The following PCDHGB4 variants were observed in gnomAD, a reference collection of about 807,000 sequenced individuals.
The protein encoded by PCDHGB4 is protocadherin gamma-B4.
In PCDHGB4, 38 loss-of-function variants were observed where a neutral mutation model predicts 60.5. The observed-to-expected ratio is 0.63, with a 90% CI of 0.48 to 0.82. PCDHGB4 has a LOEUF of 0.82. Among genes scored for constraint, PCDHGB4 ranks in the 40% least tolerant of loss-of-function variants. PCDHGB4 has a pLI of 0.00. For missense variants in PCDHGB4, 1,109 were observed against 1,209.6 expected (o/e 0.92, Z 1.23); for synonymous variants, 456 against 509.7 (o/e 0.89, Z 1.42).
In PCDHGB4 at chr5:141,388,326, C is replaced by T; in HGVS notation, c.442C>T (p.Pro148Ser). The change falls in exon 1 of 4, where the codon CCT becomes TCT. Residue 148 changes from proline (P) to serine (S), a missense_variant. By Grantham distance (74) the Pro-to-Ser change is moderately conservative (BLOSUM62 -1). Transcript: ENST00000519479. ...GCTGCAAATAAGTGAGTCTGCACAG[C>T]CTGGCACACGATTTATATTAGGATC... is the stretch of plus-strand genomic sequence containing the variant. ...FELQISESAQ[P>S]GTRFILGSAH... 6.2e-7 allele frequency: 1 copy of T among 1,613,878 alleles called. No homozygotes were observed. Among genetic ancestry groups the T allele is most frequent in the Non-Finnish European group, 8.5e-7 (1 of 1,179,858 alleles).
At chr5:141,509,354 A>G (rs1229726913) in intron 3 of PCDHGB4, among the ~76,000 whole-genome samples, 2 of 152,144 alleles carry the variant, frequency 1.3e-5, no homozygotes, top group Non-Finnish European at 2.9e-5. Context: ...TGGCCTGGGC[A>G]TCCCTGAGGT....
chr5:141,470,871 T>C (rs1036871133), intron 1 of PCDHGB4, among the ~76,000 whole-genome samples: 1 of 151,822 alleles, frequency 6.6e-6, no homozygotes, highest in Admixed American at 6.6e-5. Flanking sequence ...TGTTTGTTTG[T>C]TTTTTTGTTT....
Position 141,424,000 on chromosome 5 carries a change from A to G in PCDHGB4, c.2397+33719A>G, listed in dbSNP as rs2096794510. On this transcript the variant is annotated intron_variant, in intron 1 of 3. Coordinates refer to ENST00000519479, the MANE Select transcript of PCDHGB4 (RefSeq NM_003736.4). ...ATGAGGCTCTCAATTTATTATATAT[A>G]GATACAAATTAATGATTCACAAACA... 5 of 1,076,368 alleles carry G rather than the reference A, an allele frequency of 4.6e-6. No homozygotes were observed. In the South Asian group the frequency reaches 1.4e-4, roughly 30 times the overall value. 66.7% of individuals were successfully genotyped at this position (1,076,368 alleles called of 1,614,324 possible).
At chr5:141,441,864 G>A in intron 1 of PCDHGB4, 3 of 344,518 alleles carry the variant, frequency 8.7e-6, no homozygotes, top group Admixed American at 4.1e-5. Context: ...TGCACGCCGC[G>A]GAGCCTGGCT....
chr5:141,393,465 G>T, intron 1 of PCDHGB4: 1 of 1,614,048 alleles, frequency 6.2e-7, no homozygotes, highest in Non-Finnish European at 8.5e-7. Context: ...CTCGGATGGC[G>T]GCAAGCCGCC....
chr5:141,485,641 G>T lies in PCDHGB4; in HGVS notation c.2398-9166G>T. The T allele has an allele frequency of 6.2e-7, 1 of 1,612,012 alleles. No individual in the cohort carries two copies. Among genetic ancestry groups the T allele is most frequent in the Non-Finnish European group, 8.5e-7 (1 of 1,178,470 alleles). On this transcript the variant is annotated intron_variant, in intron 1 of 3. Transcript: ENST00000519479. The surrounding 1 kb of genome is among the most constrained non-coding windows in gnomAD (Gnocchi z 5.7). Reference sequence around the variant, plus strand: ...CAGGACAGCGTTTCCCGTTGGAAAAGGCTCAGGATGCAGATGTGGGGAGCA... The same window carrying T: ...CAGGACAGCGTTTCCCGTTGGAAAATGCTCAGGATGCAGATGTGGGGAGCA...
In PCDHGB4 at chr5:141,389,118, C is replaced by A. The variant is rs2091610213; in HGVS notation, c.1234C>A (p.Gln412Lys). Residue 412 changes from glutamine (Q) to lysine (K), a missense_variant, in exon 1 of 4, where the codon CAG becomes AAG. Gln to Lys is a moderately conservative substitution (Grantham distance 53). Around this residue, in one of 2 missense-constraint regions of PCDHGB4, gnomAD observed 1,068 missense variants for 1,089.9 expected, o/e 0.98. Coordinates refer to ENST00000519479, the MANE Select transcript of PCDHGB4 (RefSeq NM_003736.4). ...GACAGATGCTGTTCTAGACCGCGAGCAGAATCCAGAGTACAATATAACCGT... is the reference window on the plus strand; with the variant it reads ...GACAGATGCTGTTCTAGACCGCGAGAAGAATCCAGAGTACAATATAACCGT... ...LVTDAVLDRE[Q>K]NPEYNITVTA... 1 of 1,613,888 alleles carries A rather than the reference C, an allele frequency of 6.2e-7. No homozygotes were observed. The highest frequency in any genetic ancestry group is 1.7e-5 in the Admixed American group (1 of 60,014).
At chr5:141,418,418 G>C (rs1366605966) in intron 1 of PCDHGB4, 1 of 1,613,998 alleles carries the variant, frequency 6.2e-7, no homozygotes, top group East Asian at 2.2e-5. Flanking sequence ...AGACAATCCT[G>C]ATGGTGGCAA....
rs191953163 is a variant in PCDHGB4 at position 141,426,385 on chromosome 5, C to T, written c.2397+36104C>T. Reference sequence around the variant, plus strand: ...CTGCGGGGCACCCTCGGAGCAGATCCGCTACTCTATTCCAGAAGAAACGGT... The same window carrying T: ...CTGCGGGGCACCCTCGGAGCAGATCTGCTACTCTATTCCAGAAGAAACGGT... On this transcript the variant is annotated intron_variant, in intron 1 of 3. Transcript: ENST00000519479. 1.4e-3 allele frequency: 332 copies of T among 244,362 alleles called. 1 individual carries two copies. The highest frequency in any genetic ancestry group is 1.5e-3 in the Non-Finnish European group (188 of 121,940). 15.1% of individuals were successfully genotyped at this position (244,362 alleles called of 1,614,324 possible). A position where few individuals can be genotyped will look rare whatever the true frequency, so the allele number is the denominator to read the frequency against.
chr5:141,398,829 C>G (rs1020690994), intron 1 of PCDHGB4: 2 of 1,613,876 alleles, frequency 1.2e-6, no homozygotes, highest in African/African-American at 1.3e-5. Context: ...AGGTAACCGA[C>G]GCCAATGATA....
chr5:141,450,450 C>T (rs964666176), intron 1 of PCDHGB4, among the ~76,000 whole-genome samples: 5 of 151,996 alleles, frequency 3.3e-5, no homozygotes, highest in African/African-American at 9.7e-5. Context: ...TTTTATGTTT[C>T]CTCGTGATTT....
intron 1 of PCDHGB4, among the ~76,000 whole-genome samples, chr5:141,468,041 T>C (rs972340736): frequency 4.6e-5 from 7 of 152,120 alleles, no homozygotes; most frequent in Admixed American, 3.9e-4. Flanking sequence ...TTTAGAAAAC[T>C]AAGCCGGGCA....
Position 141,485,992 on chromosome 5 carries a change from C to T in PCDHGB4, c.2398-8815C>T. The T allele has an allele frequency of 6.2e-7, 1 of 1,614,156 alleles. No individual in the cohort carries two copies. The highest frequency in any genetic ancestry group is 2.2e-5 in the East Asian group (1 of 44,870). On this transcript the variant is annotated intron_variant, in intron 1 of 3. Coordinates refer to ENST00000519479, the MANE Select transcript of PCDHGB4 (RefSeq NM_003736.4). The surrounding 1 kb of genome is among the most constrained non-coding windows in gnomAD (Gnocchi z 5.7). ...ATGCCTCAGACCCGGACCTGGGTCC[C>T]AGTGGTAACGTCACCTTTTATTTCA...
At chr5:141,461,501 T>G (rs113852528) in intron 1 of PCDHGB4, among the ~76,000 whole-genome samples, 1 of 152,310 alleles carries the variant, frequency 6.6e-6, no homozygotes, top group South Asian at 2.1e-4. Flanking sequence ...TTATTTTTCT[T>G]GGTGATTTGT....
At position 141,447,418 on chromosome 5, in the gene PCDHGB4, G is replaced by A. The variant is rs113957183; in HGVS notation, c.2398-47389G>A. On this transcript the variant is annotated intron_variant, in intron 1 of 3. Transcript: ENST00000519479. ...CTCCCAAAGTGCTGGGATTACAGGC[G>A]TGAGCCACCGCACCCGGAGGAAATT... Among the ~76,000 whole-genome samples, 1,263 of 152,230 alleles carry A rather than the reference G, an allele frequency of 8.3e-3. 17 individuals carry two copies. The highest frequency in any genetic ancestry group is 0.029 in the African/African-American group (1,197 of 41,538).
At position 141,390,101 on chromosome 5, in the gene PCDHGB4, CA is replaced by C. The variant is rs1212774339; in HGVS notation, c.2219del (p.Asn740ThrfsTer26). 5.0e-6 allele frequency: 8 copies of C among 1,613,946 alleles called. No individual in the cohort carries two copies. The highest frequency in any genetic ancestry group is 6.8e-6 in the Non-Finnish European group (8 of 1,179,910). The stretch of plus-strand genomic sequence containing the variant: ...TTAAATCCGAATCCGTGGTTCCCCC[CA>C]ACTACAGCGAGGGGACTTTGCCTTA... ...CVKSESVVPP[N>X]YSEGTLPYSY... On this transcript the variant is annotated frameshift_variant, in exon 1 of 4. Transcript: ENST00000519479. LOFTEE classifies it high-confidence loss of function.
chr5:141,399,460 G>A, intron 1 of PCDHGB4: 1 of 1,613,962 alleles, frequency 6.2e-7, no homozygotes, highest in Middle Eastern at 1.6e-4. Context: ...CAACGATAAC[G>A]CTCCGGTTTT....
intron 1 of PCDHGB4, among the ~76,000 whole-genome samples, chr5:141,433,940 T>C (rs1315031506): frequency 6.6e-6 from 1 of 152,192 alleles, no homozygotes; most frequent in African/African-American, 2.4e-5. Flanking sequence ...TATAATTCCA[T>C]TGTTTCTTCT....
intron 1 of PCDHGB4, chr5:141,420,380 C>T (rs1343046478): frequency 7.7e-7 from 1 of 1,306,574 alleles, no homozygotes; most frequent in Non-Finnish European, 1.0e-6. Flanking sequence ...TCATAGAGTT[C>T]GCAAAATATA....
Sources: gnomAD v4.1 joint callset for allele counts (sites outside exome capture counted in the v4.1 genomes callset) on GRCh38, gnomAD v4.1.1 for gene constraint, gnomAD v4.1.1 regional missense constraint, Gnocchi (gnomAD v3.1) non-coding constraint, MANE v1.5 for transcripts, NCBI Gene and HGNC (gene_info 2026-07-23, HGNC 2026-07-21) for gene names.